The following LRP11 variants were observed in gnomAD, a reference collection of about 807,000 sequenced individuals.
LRP11 encodes LDL receptor related protein 11.
In LRP11, 25 loss-of-function variants were observed where a neutral mutation model predicts 43.1. That is an observed-to-expected ratio of 0.58 (90% confidence interval 0.42 to 0.81). The LOEUF (loss-of-function observed/expected upper bound fraction) is 0.81, where lower values mean the gene tolerates loss of function less well. Among genes scored for constraint, LRP11 ranks in the 30% least tolerant of loss-of-function variants. The pLI, the probability that LRP11 is intolerant of heterozygous loss-of-function variation, is 0.00. For synonymous variants in LRP11, 316 were observed against 299.4 expected (o/e 1.06, Z -0.57); for missense variants, 623 against 665.1 (o/e 0.94, Z 0.70).
At chr6:149,837,499 GA>G (rs753620984) in intron 3 of LRP11, 36 bp from the exon 4 acceptor site, 28 of 1,605,084 alleles carry the variant, frequency 1.7e-5, no homozygotes, top group Non-Finnish European at 2.6e-6. Context: ...CACGAGTGCA[GA>G]AGTTCAGACT....
intron 2 of LRP11, among the ~76,000 whole-genome samples, chr6:149,849,221 TG>T (rs1414793565): frequency 5.3e-5 from 8 of 152,230 alleles, no homozygotes; most frequent in Non-Finnish European, 1.0e-4. Flanking sequence ...CTTTGTATCA[TG>T]TTCCTAAATG....
Position 149,863,424 on chromosome 6 carries a change from G to T in LRP11, c.597C>A (p.Arg199=). ...CGCGCTTACCCTGCCGGGGCGAGGC[G>T]CGCGCGGTGGCCAGGGCGGCGCCGT... is the stretch of plus-strand genomic sequence containing the variant. ...APDGAALATA[R]ASPRQEKDAP... Residue 199 remains arginine (R), a synonymous_variant, in exon 1 of 7, where the codon CGC becomes CGA. Coordinates refer to ENST00000239367, the MANE Select transcript of LRP11 (RefSeq NM_032832.6). 7.6e-7 allele frequency: 1 copy of T among 1,315,096 alleles called. No individual in the cohort carries two copies. The highest frequency in any genetic ancestry group is 3.0e-5 in the East Asian group (1 of 33,552). The allele number at this position is 1,315,096 out of a possible 1,614,324, so 81.5% of individuals were successfully genotyped here.
chr6:149,838,501 C>T (rs1008895957), intron 3 of LRP11, among the ~76,000 whole-genome samples: 5 of 151,118 alleles, frequency 3.3e-5, no homozygotes, highest in East Asian at 4.0e-4. Flanking sequence ...CTGGCTAACA[C>T]GGTGAAACCC....
intron 1 of LRP11, among the ~76,000 whole-genome samples, chr6:149,859,390 A>ATTTTTTT: frequency 1.3e-5 from 1 of 76,866 alleles, no homozygotes; most frequent in African/African-American, 9.7e-5. Context: ...ATATATATAT[A>ATTTTTTT]TATATATTTT....
intron 1 of LRP11, among the ~76,000 whole-genome samples, chr6:149,857,199 G>A (rs976431594): frequency 4.6e-5 from 7 of 152,146 alleles, no homozygotes; most frequent in African/African-American, 1.2e-4. Context: ...GGCATAGGCC[G>A]AACTAATTTT....
At chr6:149,855,302 CT>C (rs1776781800) in intron 1 of LRP11, among the ~76,000 whole-genome samples, 1 of 152,144 alleles carries the variant, frequency 6.6e-6, no homozygotes, top group Non-Finnish European at 1.5e-5. Context: ...ACACATATAC[CT>C]TGTATCAAGG....
chr6:149,840,175 T>C (rs1332288610), intron 3 of LRP11, among the ~76,000 whole-genome samples: 2 of 152,218 alleles, frequency 1.3e-5, no homozygotes, highest in Non-Finnish European at 2.9e-5. Context: ...CCATAACATC[T>C]GGGTCATTCA....
chr6:149,842,296 T>C (rs896772056), intron 3 of LRP11, among the ~76,000 whole-genome samples: 1 of 152,188 alleles, frequency 6.6e-6, no homozygotes, highest in Non-Finnish European at 1.5e-5. Flanking sequence ...AGAGTATATA[T>C]TTATGAGGCA....
In LRP11 at chr6:149,863,954, G is replaced by A. The variant is rs1228946741; in HGVS notation, c.67C>T (p.Arg23Cys). 11 of 1,437,494 alleles carry A rather than the reference G, an allele frequency of 7.7e-6. No homozygotes were observed. In the Admixed American group the frequency reaches 8.4e-5, roughly 11 times the overall value. 89.0% of individuals were successfully genotyped at this position (1,437,494 alleles called of 1,614,324 possible). A position where few individuals can be genotyped will look rare whatever the true frequency, so the allele number is the denominator to read the frequency against. ...CACAGGCAGAGCAGTAGCAGCCCGC[G>A]CAGCGCCCCGTGACGCGGCGGTAGC... The part of the protein sequence containing the change: ...RRLPPRHGAL[R>C]GLLLLCLWLP... The change falls in exon 1 of 7, where the codon CGC becomes TGC. Residue 23 changes from arginine (R) to cysteine (C), a missense_variant. Physicochemically the swap from Arg to Cys is radical, Grantham distance 180. Transcript: ENST00000239367.
intron 1 of LRP11, among the ~76,000 whole-genome samples, chr6:149,860,505 T>C (rs1776875386): frequency 6.6e-6 from 1 of 150,956 alleles, no homozygotes; most frequent in African/African-American, 2.4e-5. Context: ...TAGAACAGTA[T>C]CATGTACATG....
At chr6:149,854,655 C>T (rs1776772341) in intron 1 of LRP11, among the ~76,000 whole-genome samples, 2 of 152,254 alleles carry the variant, frequency 1.3e-5, no homozygotes, top group African/African-American at 2.4e-5. Flanking sequence ...TTGTGTACCA[C>T]GCCCTCTTTG....
At position 149,863,667 on chromosome 6, in the gene LRP11, C is replaced by T. The variant is rs1776976496; in HGVS notation, c.354G>A (p.Leu118=). The part of the protein sequence containing the change: ...KDSLAAGASF[L]RAPAAVRGWR... ...AGCCCCGCACGGCCGCCGGCGCCCG[C>T]AGGAAGCTGGCACCCGCCGCCAGGG... Residue 118 remains leucine, a synonymous_variant, in exon 1 of 7, where the codon CTG becomes CTA. Transcript: ENST00000239367. The T allele has an allele frequency of 6.8e-7, 1 of 1,474,480 alleles. No individual in the cohort carries two copies. The highest frequency in any genetic ancestry group is 8.9e-7 in the Non-Finnish European group (1 of 1,119,628). The allele number at this position is 1,474,480 out of a possible 1,614,324, so 91.3% of individuals were successfully genotyped here. A position where few individuals can be genotyped will look rare whatever the true frequency, so the allele number is the denominator to read the frequency against.
At chr6:149,858,958 C>T (rs1284446201) in intron 1 of LRP11, among the ~76,000 whole-genome samples, 1 of 152,046 alleles carries the variant, frequency 6.6e-6, no homozygotes, top group East Asian at 1.9e-4. Context: ...GAGGGAAGTA[C>T]CAATTTACAC....
At position 149,818,915 on chromosome 6, in the gene LRP11, A is replaced by G. The variant is rs1776243846; in HGVS notation, c.*1634T>C. On this transcript the variant is annotated 3_prime_UTR_variant, in exon 7 of 7. Transcript: ENST00000239367. Reference sequence around the variant, plus strand: ...CTTCATGTATAAAAGATGTGCTGAAAGCTGCATGCCTCATCAGTTTTTATT... The same window carrying G: ...CTTCATGTATAAAAGATGTGCTGAAGGCTGCATGCCTCATCAGTTTTTATT... 1 of 152,650 alleles carries G rather than the reference A, an allele frequency of 6.6e-6. No individual in the cohort carries two copies. The highest frequency in any genetic ancestry group is 2.1e-4 in the South Asian group (1 of 4,836). 9.5% of individuals were successfully genotyped at this position (152,650 alleles called of 1,614,324 possible).
rs141751872 is a variant in LRP11, at chr6:149,837,389, C to T, written c.988G>A (p.Asp330Asn). Reference sequence around the variant, plus strand: ...CCATCAGGACACTGCTGCACTCCATCGCAGGCGAGCGTGATGTCAATGCAG... The same window carrying T: ...CCATCAGGACACTGCTGCACTCCATTGCAGGCGAGCGTGATGTCAATGCAG... ...GCCIDITLAC[D>N]GVQQCPDGSD... is the part of the protein sequence containing the mutation. The change falls in exon 4 of 7, where the codon GAT becomes AAT. Residue 330 changes from aspartate to asparagine, a missense_variant. By Grantham distance (23) the Asp-to-Asn change is conservative. Transcript: ENST00000239367. 1.2e-5 allele frequency: 19 copies of T among 1,614,022 alleles called. No homozygotes were observed. Among genetic ancestry groups the T allele is most frequent in the Admixed American group, 1.2e-4 (7 of 60,002 alleles).
intron 2 of LRP11, among the ~76,000 whole-genome samples, chr6:149,847,824 T>TACACACACACACACACAC (rs57292379): frequency 1.5e-5 from 2 of 131,042 alleles, no homozygotes; most frequent in African/African-American, 5.8e-5. Context: ...TAAACTAAAT[T>TACACACACACACACACAC]ACACACACAC....
chr6:149,858,053 A>T (rs970791089), intron 1 of LRP11, among the ~76,000 whole-genome samples: 1 of 152,016 alleles, frequency 6.6e-6, no homozygotes, highest in Non-Finnish European at 1.5e-5. Context: ...CTTTTTAATT[A>T]TTTTTTTATT....
chr6:149,854,124 T>G (rs1448808077), intron 1 of LRP11, among the ~76,000 whole-genome samples: 1 of 152,194 alleles, frequency 6.6e-6, no homozygotes, highest in Admixed American at 6.5e-5. Context: ...TATTTACCTT[T>G]GTTTTTGTTT....
At position 149,827,011 on chromosome 6, in the gene LRP11, G is replaced by C. The variant is rs1445473499; in HGVS notation, c.1253-652C>G. ...TTTGAGACAGAGTCTCTGTTGCCCA[G>C]ATTGGAGTGCAGTGGCACGATCTTG... is the stretch of plus-strand genomic sequence containing the variant. On this transcript the variant is annotated intron_variant, in intron 5 of 6. Coordinates refer to ENST00000239367, the MANE Select transcript of LRP11 (RefSeq NM_032832.6). The surrounding 1 kb of genome is among the most constrained non-coding windows in gnomAD (Gnocchi z 4.2). 6.7e-6 allele frequency among the ~76,000 whole-genome samples: 1 copy of C among 149,340 alleles called. No individual in the cohort carries two copies. The highest frequency in any genetic ancestry group is 1.5e-5 in the Non-Finnish European group (1 of 67,822).
Sources: allele counts gnomAD v4.1 joint callset (sites outside exome capture counted in the v4.1 genomes callset), GRCh38; gene constraint gnomAD v4.1.1; non-coding constraint Gnocchi (gnomAD v3.1); transcripts MANE v1.5; gene names NCBI Gene and HGNC (gene_info 2026-07-23, HGNC 2026-07-21).